Variants in MYRIP observed in about 807,000 individuals in gnomAD.
The protein encoded by MYRIP is myosin VIIA and Rab interacting protein.
MYRIP carries 49 observed loss-of-function variants against 98.0 expected under a neutral mutation model. That is an observed-to-expected ratio of 0.50 (90% confidence interval 0.40 to 0.63). MYRIP has a LOEUF of 0.63. Ranked by LOEUF, MYRIP falls within the 30% of genes least tolerant of loss-of-function variation. MYRIP has a pLI of 0.00. For synonymous variants in MYRIP, 404 were observed against 409.5 expected (o/e 0.99, Z 0.16); for missense variants, 1,004 against 1,058.2 (o/e 0.95, Z 0.71).
At chr3:39,936,462 A>G (rs774345611) in intron 2 of MYRIP, among the ~76,000 whole-genome samples, 19 of 152,190 alleles carry the variant, frequency 1.2e-4, no homozygotes, top group Non-Finnish European at 2.6e-4. Flanking sequence ...CATGGCTCAG[A>G]TGTGCACTCA....
At position 40,210,012 on chromosome 3, in the gene MYRIP, G is replaced by A; in HGVS notation, c.1824G>A (p.Glu608=). ...ETSSGEDQES[E]PKTESENQKE... Reference sequence around the variant, plus strand: ...CTTCAGGGGAGGATCAGGAGTCTGAGCCCAAGACAGAATCTGAGAACCAGA... The same window carrying A: ...CTTCAGGGGAGGATCAGGAGTCTGAACCCAAGACAGAATCTGAGAACCAGA... Residue 608 remains glutamate, a synonymous_variant, in exon 11 of 17, where the codon GAG becomes GAA. Transcript: ENST00000302541. 1 of 1,614,124 alleles carries A rather than the reference G, an allele frequency of 6.2e-7. No individual in the cohort carries two copies. Among genetic ancestry groups the A allele is most frequent in the Non-Finnish European group, 8.5e-7 (1 of 1,179,978 alleles).
intron 1 of MYRIP, among the ~76,000 whole-genome samples, chr3:39,893,839 A>G (rs1042596667): frequency 1.3e-5 from 2 of 152,118 alleles, no homozygotes; most frequent in African/African-American, 4.8e-5. Flanking sequence ...TCATAGCAGT[A>G]TGGTATTCTA....
intron 2 of MYRIP, among the ~76,000 whole-genome samples, chr3:39,918,431 C>G (rs1944224106): frequency 6.6e-6 from 1 of 152,170 alleles, no homozygotes; most frequent in Non-Finnish European, 1.5e-5. Flanking sequence ...TACCCCTAGT[C>G]ATCCATTTTG....
At chr3:39,956,482 A>G (rs1378080956) in intron 2 of MYRIP, among the ~76,000 whole-genome samples, 1 of 152,228 alleles carries the variant, frequency 6.6e-6, no homozygotes, top group African/African-American at 2.4e-5. Context: ...GAAACCAACA[A>G]GAACAAAGAC....
intron 13 of MYRIP, among the ~76,000 whole-genome samples, chr3:40,244,809 C>T (rs1953137242): frequency 6.6e-6 from 1 of 152,182 alleles, no homozygotes; most frequent in Non-Finnish European, 1.5e-5. Flanking sequence ...ATTAAAGTCT[C>T]GATAATATAT....
At chr3:39,975,887 C>T (rs139711302) in intron 2 of MYRIP, among the ~76,000 whole-genome samples, 1,582 of 152,234 alleles carry the variant, frequency 0.01, 32 homozygotes, top group African/African-American at 0.036. Flanking sequence ...ACATCTTATA[C>T]AAAAATTAAT....
At chr3:40,014,535 C>T (rs949367913) in intron 2 of MYRIP, among the ~76,000 whole-genome samples, 2 of 152,108 alleles carry the variant, frequency 1.3e-5, no homozygotes, top group African/African-American at 4.8e-5. Flanking sequence ...ACACTTGGAC[C>T]CACACCAGAG....
At chr3:40,192,313 T>TATATATGACATATATATATATATATGTC (rs1323917977) in intron 10 of MYRIP, among the ~76,000 whole-genome samples, 1 of 13,186 alleles carries the variant, frequency 7.6e-5, no homozygotes, top group Non-Finnish European at 2.3e-4. Flanking sequence ...TTTCTTCATA[T>TATATATGACATATATATATATATATGTC]ATATATATAT....
intron 3 of MYRIP, among the ~76,000 whole-genome samples, chr3:40,057,553 A>G (rs567731392): frequency 2.1e-4 from 32 of 152,322 alleles, no homozygotes; most frequent in African/African-American, 7.0e-4. Context: ...ACTCCCAGCA[A>G]GTCCTGCTCA....
intron 1 of MYRIP, among the ~76,000 whole-genome samples, chr3:39,833,600 G>A (rs1243452516): frequency 6.6e-6 from 1 of 152,184 alleles, no homozygotes; most frequent in South Asian, 2.1e-4. Flanking sequence ...CCTTTGCCTG[G>A]CATAGCGTTG....
chr3:40,041,051 A>G (rs1024800737), intron 2 of MYRIP, among the ~76,000 whole-genome samples: 18 of 146,706 alleles, frequency 1.2e-4, no homozygotes, highest in African/African-American at 4.2e-4. Flanking sequence ...AATCAAAGCA[A>G]TGGCTTGCAA....
rs372217096 is a variant in MYRIP, at chr3:39,998,758, T to C, written c.111-45292T>C. ...CAAAAGAACAAAGCTGGAGGCATCA[T>C]GCTACCTGACTTCAAACTATACTAC... On this transcript the variant is annotated intron_variant, in intron 2 of 16. Transcript: ENST00000302541. Among the ~76,000 whole-genome samples, 176 of 152,182 alleles carry C rather than the reference T, an allele frequency of 1.2e-3. 1 individual carries two copies. Among genetic ancestry groups the C allele is most frequent in the African/African-American group, 3.8e-3 (157 of 41,518 alleles).
At chr3:40,187,666 A>G (rs986554364) in intron 9 of MYRIP, among the ~76,000 whole-genome samples, 2 of 152,208 alleles carry the variant, frequency 1.3e-5, no homozygotes, top group African/African-American at 4.8e-5. Context: ...TCTGGGACAC[A>G]GCAGGCTAAT....
chr3:40,185,797 G>C (rs1409661476), intron 9 of MYRIP, among the ~76,000 whole-genome samples: 1 of 152,080 alleles, frequency 6.6e-6, no homozygotes, highest in Non-Finnish European at 1.5e-5. Flanking sequence ...CATTATCAAG[G>C]GTCGCCTCCT....
At chr3:39,920,105 G>GA (rs199997472) in intron 2 of MYRIP, among the ~76,000 whole-genome samples, 23 of 149,548 alleles carry the variant, frequency 1.5e-4, no homozygotes, top group East Asian at 7.8e-4. Context: ...CTTTGACTAT[G>GA]AAAAAAAAAT....
At chr3:40,213,615 C>CACACACACAG (rs1553628399) in intron 11 of MYRIP, among the ~76,000 whole-genome samples, 1 of 150,632 alleles carries the variant, frequency 6.6e-6, no homozygotes, top group Non-Finnish European at 1.5e-5. Context: ...GAGCAACACA[C>CACACACACAG]ACACACACAC....
At chr3:40,187,392 A>T (rs1351918601) in intron 9 of MYRIP, among the ~76,000 whole-genome samples, 2 of 152,156 alleles carry the variant, frequency 1.3e-5, no homozygotes, top group East Asian at 3.8e-4. Flanking sequence ...TCTTTGCCCT[A>T]TACTAAAGCA....
chr3:40,192,313 T>TATATATGACATATATATATATATGTC (rs1323917977), intron 10 of MYRIP, among the ~76,000 whole-genome samples: 2 of 13,186 alleles, frequency 1.5e-4, no homozygotes, highest in Admixed American at 1.0e-3. Context: ...TTTCTTCATA[T>TATATATGACATATATATATATATGTC]ATATATATAT....
At chr3:40,197,882 T>C (rs1427563933) in intron 10 of MYRIP, among the ~76,000 whole-genome samples, 1 of 152,210 alleles carries the variant, frequency 6.6e-6, no homozygotes, top group African/African-American at 2.4e-5. Flanking sequence ...CTCTCATTGT[T>C]TGCCAATATC....
Sources: gnomAD v4.1 joint callset for allele counts (sites outside exome capture counted in the v4.1 genomes callset) on GRCh38, gnomAD v4.1.1 for gene constraint, MANE v1.5 for transcripts, NCBI Gene and HGNC (gene_info 2026-07-23, HGNC 2026-07-21) for gene names.